LAMC2: variants seen among roughly 807,000 people sequenced by gnomAD.
LAMC2 encodes laminin subunit gamma 2.
A neutral mutation model predicts 140.2 loss-of-function variants in LAMC2; 97 were observed. The observed-to-expected ratio is 0.69, with a 90% CI of 0.59 to 0.82. LAMC2 has a LOEUF of 0.82. Ranked by LOEUF, LAMC2 falls within the 40% of genes least tolerant of loss-of-function variation. The pLI, the probability that LAMC2 is intolerant of heterozygous loss-of-function variation, is 0.00. For missense variants in LAMC2, 1,402 were observed against 1,476.1 expected, an observed-to-expected ratio of 0.95 and a Z score of 0.82; for synonymous variants, 513 against 540.2, an observed-to-expected ratio of 0.95 and a Z score of 0.70.
Position 183,240,373 on chromosome 1 carries a change from G to T in LAMC2, c.3310G>T (p.Gly1104Cys), listed in dbSNP as rs199948334. Residue 1104 changes from glycine (G) to cysteine (C), a missense_variant, in exon 22 of 23, where the codon GGC becomes TGC. Gly to Cys is a radical substitution (Grantham distance 159). This residue lies in a region of LAMC2 where 670 missense variants were observed against 667.2 expected (regional missense o/e 1.00). Transcript: ENST00000264144. ...TIQDTLNTLD[G>C]LLHLMDQPLS... is the part of the protein sequence containing the mutation. The stretch of plus-strand genomic sequence containing the variant: ...CCAAGACACACTCAACACATTAGAC[G>T]GCCTCCTGCATCTGATGGGTATGTG... 1.4e-5 allele frequency: 23 copies of T among 1,614,032 alleles called. No individual in the cohort carries two copies. The highest frequency in any genetic ancestry group is 1.9e-5 in the Non-Finnish European group (23 of 1,180,038).
chr1:183,212,779 G>A (rs1405292545), intron 2 of LAMC2, among the ~76,000 whole-genome samples: 1 of 152,148 alleles, frequency 6.6e-6, no homozygotes, highest in African/African-American at 2.4e-5. Flanking sequence ...TTCAACCTGA[G>A]GTCTTGGTCC....
intron 1 of LAMC2, among the ~76,000 whole-genome samples, chr1:183,191,781 C>T (rs910275307): frequency 6.6e-6 from 1 of 152,014 alleles, no homozygotes; most frequent in African/African-American, 2.4e-5. Context: ...ACTGCTTGAA[C>T]CCGGGAGGCA....
chr1:183,254,733 TG>T, the LAMC2 span, among the ~76,000 whole-genome samples: 1 of 152,250 alleles, frequency 6.6e-6, no homozygotes, highest in African/African-American at 2.4e-5. Flanking sequence ...CATCACACTG[TG>T]CCCCTTTGCC....
intron 1 of LAMC2, among the ~76,000 whole-genome samples, chr1:183,205,676 TAAG>T (rs1357120902): frequency 2.6e-5 from 4 of 152,098 alleles, no homozygotes; most frequent in Admixed American, 2.6e-4. Context: ...AGGAAAAGAC[TAAG>T]GAGGGAGATG....
rs1045340514 is a variant in LAMC2, at chr1:183,208,055, A to G, written c.254A>G (p.Asn85Ser). ...HRERDRCLPC[N>S]CNSKGSLSAR... is the part of the protein sequence containing the mutation. ...GAAAGGGACCGCTGTTTGCCCTGCAATTGTAACTCCAAAGGTAGCTGAAAA... is the reference window on the plus strand; with the variant it reads ...GAAAGGGACCGCTGTTTGCCCTGCAGTTGTAACTCCAAAGGTAGCTGAAAA... Residue 85 changes from asparagine (N) to serine (S), a missense_variant, in exon 2 of 23, where the codon AAT becomes AGT. Around this residue, in one of 3 missense-constraint regions of LAMC2, gnomAD observed 723 missense variants for 783.3 expected, o/e 0.92. Coordinates refer to ENST00000264144, the MANE Select transcript of LAMC2 (RefSeq NM_005562.3). The G allele has an allele frequency of 5.6e-6, 9 of 1,614,108 alleles. No homozygotes were observed. Among genetic ancestry groups the G allele is most frequent in the Non-Finnish European group, 7.6e-6 (9 of 1,179,976 alleles).
rs944530810 is a variant in LAMC2, at chr1:183,227,710, G to T, written c.1468+13G>T. 8.7e-6 allele frequency: 14 copies of T among 1,613,098 alleles called. No homozygotes were observed. The highest frequency in any genetic ancestry group is 1.3e-5 in the African/African-American group (1 of 74,918). On this transcript the variant is annotated intron_variant, in intron 10 of 22. Transcript: ENST00000264144. ...CCCGGGGTCACCGGTAAGGCCATGG[G>T]TCTGCTCTGCCACCTGCCTCTTCCT... is the stretch of plus-strand genomic sequence containing the variant.
rs1174802090 is a variant in LAMC2 at position 183,240,630 on chromosome 1, G to A, written c.3328+239G>A. ...CTATTGCACTTGGGGGTAAAGGTCT[G>A]TGGGCCAAAGAACAGGTGTATATAA... On this transcript the variant is annotated intron_variant, in intron 22 of 22. Coordinates refer to ENST00000264144, the MANE Select transcript of LAMC2 (RefSeq NM_005562.3). 16 of 1,412,308 alleles carry A rather than the reference G, an allele frequency of 1.1e-5. 1 individual carries two copies. Among genetic ancestry groups the A allele is most frequent in the Middle Eastern group, 2.6e-4 (1 of 3,798 alleles). The allele number at this position is 1,412,308 out of a possible 1,614,324, so 87.5% of individuals were successfully genotyped here.
chr1:183,238,312 A>G lies in LAMC2; in HGVS notation c.2760A>G (p.Ser920=), dbSNP rs1200155106. The G allele has an allele frequency of 6.2e-7, 1 of 1,613,194 alleles. No homozygotes were observed. The highest frequency in any genetic ancestry group is 1.3e-5 in the African/African-American group (1 of 74,916). Residue 920 remains serine (S), a synonymous_variant, in exon 19 of 23, where the codon TCA becomes TCG. Coordinates refer to ENST00000264144, the MANE Select transcript of LAMC2 (RefSeq NM_005562.3). ...LQNGKSGREK[S]DQLLSRANLA... ...TTCTATCTGCCTTTTTACAGAAATC[A>G]GATCAGCTGCTTTCCCGTGCCAATC...
At chr1:183,206,088 T>C (rs1339739436) in intron 1 of LAMC2, among the ~76,000 whole-genome samples, 1 of 152,038 alleles carries the variant, frequency 6.6e-6, no homozygotes, top group African/African-American at 2.4e-5. Context: ...TGGGAGCAAA[T>C]TACATCTTTG....
chr1:183,239,375 C>T lies in LAMC2; in HGVS notation c.2881C>T (p.Gln961Ter), dbSNP rs1660058817. Residue 961 changes from glutamine (Q) to a stop codon, truncating the protein, a stop_gained, in exon 20 of 23, where the codon CAG (glutamine) becomes TAG (stop). Coordinates refer to ENST00000264144, the MANE Select transcript of LAMC2 (RefSeq NM_005562.3). LOFTEE classifies it high-confidence loss of function. ...ILKNLREFDL[Q>*]VDNRKAEAEE... ...TTTCTTCATTTCAGAGTTTGACCTG[C>T]AGGTGGACAACAGAAAAGCAGAAGC... 11 of 1,614,106 alleles carry T rather than the reference C, an allele frequency of 6.8e-6. No homozygotes were observed. Among genetic ancestry groups the T allele is most frequent in the Non-Finnish European group, 9.3e-6 (11 of 1,179,980 alleles).
At position 183,227,712 on chromosome 1, in the gene LAMC2, C is replaced by A. The variant is rs551884370; in HGVS notation, c.1468+15C>A. ...CGGGGTCACCGGTAAGGCCATGGGT[C>A]TGCTCTGCCACCTGCCTCTTCCTGT... is the stretch of plus-strand genomic sequence containing the variant. On this transcript the variant is annotated intron_variant, in intron 10 of 22. Transcript: ENST00000264144. The A allele has an allele frequency of 1.8e-5, 29 of 1,612,746 alleles. No homozygotes were observed. In the East Asian group the frequency reaches 6.5e-4, roughly 36 times the overall value.
Position 183,243,402 on chromosome 1 carries a change from G to A in LAMC2, c.*2G>A. On this transcript the variant is annotated 3_prime_UTR_variant, in exon 23 of 23. Transcript: ENST00000264144. ...ACCCAGGCTCTTGAGCAACAGTGAA[G>A]CTGCCATAAATATTTCTCAACTGAG... The A allele has an allele frequency of 6.2e-7, 1 of 1,613,564 alleles. No individual in the cohort carries two copies. Among genetic ancestry groups the A allele is most frequent in the East Asian group, 2.2e-5 (1 of 44,884 alleles).
chr1:183,194,331 A>G (rs1658446252), intron 1 of LAMC2, among the ~76,000 whole-genome samples: 1 of 152,278 alleles, frequency 6.6e-6, no homozygotes, highest in African/African-American at 2.4e-5. Context: ...AATGCACATG[A>G]ATTACCATTG....
chr1:183,194,342 T>C (rs967052654), intron 1 of LAMC2, among the ~76,000 whole-genome samples: 1 of 152,234 alleles, frequency 6.6e-6, no homozygotes, highest in Non-Finnish European at 1.5e-5. Context: ...ATTACCATTG[T>C]TCTTTTGTGA....
intron 1 of LAMC2, among the ~76,000 whole-genome samples, chr1:183,203,215 G>T (rs923301110): frequency 7.2e-5 from 11 of 152,128 alleles, no homozygotes; most frequent in African/African-American, 2.4e-4. Context: ...GACTACAACA[G>T]GCATCAATTG....
At position 183,220,951 on chromosome 1, in the gene LAMC2, C is replaced by A. The variant is rs903243485; in HGVS notation, c.630C>A (p.Thr210=). The A allele has an allele frequency of 1.9e-6, 3 of 1,614,150 alleles. No individual in the cohort carries two copies. The highest frequency in any genetic ancestry group is 2.5e-6 in the Non-Finnish European group (3 of 1,180,014). Residue 210 remains threonine, a synonymous_variant, in exon 5 of 23, where the codon ACC becomes ACA. Coordinates refer to ENST00000264144, the MANE Select transcript of LAMC2 (RefSeq NM_005562.3). ...AEYSVHKITS[T]FHQDVDGWKA... The stretch of plus-strand genomic sequence containing the variant: ...ACAGTGTCCATAAGATCACCTCTAC[C>A]TTTCATCAAGGTAAAGCCTTCTATT...
intron 1 of LAMC2, among the ~76,000 whole-genome samples, chr1:183,196,336 C>T (rs1022474157): frequency 6.6e-6 from 1 of 152,098 alleles, no homozygotes; most frequent in Non-Finnish European, 1.5e-5. Context: ...ACGGTTTCAC[C>T]ATGTTGGTAA....
chr1:183,237,557 T>C, intron 18 of LAMC2, 53 bp downstream of exon 18: 1 of 1,420,220 alleles, frequency 7.0e-7, no homozygotes, highest in Middle Eastern at 1.8e-4. Flanking sequence ...ATGCCCACCA[T>C]ATGAATAAAT....
intron 22 of LAMC2, 52 bp from the exon 23 acceptor site, chr1:183,243,095 A>G: frequency 6.2e-7 from 1 of 1,609,438 alleles, no homozygotes; most frequent in Non-Finnish European, 8.5e-7. Context: ...GTGTTCAAGG[A>G]GATCTAACTA....
Sources: allele counts gnomAD v4.1 joint callset (sites outside exome capture counted in the v4.1 genomes callset), GRCh38; gene constraint gnomAD v4.1.1; regional missense constraint gnomAD v4.1.1; transcripts MANE v1.5; gene names NCBI Gene and HGNC (gene_info 2026-07-23, HGNC 2026-07-21).